The following CTNNA3 variants were observed in gnomAD, a reference collection of about 807,000 sequenced individuals.
CTNNA3 encodes the protein catenin alpha-3.
Under a neutral mutation model 95.7 loss-of-function variants are expected in CTNNA3, and 76 were observed. The ratio of observed to expected loss-of-function variants is 0.79; its 90% CI spans 0.66 to 0.96. The LOEUF (loss-of-function observed/expected upper bound fraction) is 0.96, where lower values mean the gene tolerates loss of function less well. CTNNA3 is among the 40% of genes least tolerant of loss of function. CTNNA3 has a pLI of 0.00. For missense variants in CTNNA3, 1,191 were observed against 1,089.8 expected, an observed-to-expected ratio of 1.09 and a Z score of -1.31; for synonymous variants, 431 against 374.4, an observed-to-expected ratio of 1.15 and a Z score of -1.74.
intron 5 of CTNNA3, among the ~76,000 whole-genome samples, chr10:67,274,075 A>G: frequency 6.6e-6 from 1 of 152,350 alleles, no homozygotes; most frequent in East Asian, 1.9e-4. Context: ...AACATTGGAA[A>G]ATAACTATAA....
intron 4 of CTNNA3, among the ~76,000 whole-genome samples, chr10:67,533,142 G>A (rs1466789472): frequency 2.6e-5 from 4 of 152,126 alleles, no homozygotes; most frequent in Non-Finnish European, 4.4e-5. Flanking sequence ...TAGCCAACAT[G>A]GCAAAACACT....
intron 14 of CTNNA3, among the ~76,000 whole-genome samples, chr10:66,088,363 C>G (rs1205733067): frequency 2.0e-5 from 3 of 151,804 alleles, no homozygotes; most frequent in African/African-American, 7.3e-5. Context: ...AGACCAGTGT[C>G]TGTATAATAT....
chr10:67,362,573 C>T (rs750520941), intron 5 of CTNNA3, among the ~76,000 whole-genome samples: 36 of 151,950 alleles, frequency 2.4e-4, no homozygotes, highest in African/African-American at 8.4e-4. Flanking sequence ...ATCCAAAATC[C>T]CTTCATGTTA....
At chr10:67,694,453 T>G in intron 1 of CTNNA3, among the ~76,000 whole-genome samples, 1 of 152,140 alleles carries the variant, frequency 6.6e-6, no homozygotes, top group Non-Finnish European at 1.5e-5. Flanking sequence ...AAACATAGTG[T>G]TCTCTAATCC....
intron 7 of CTNNA3, chr10:67,054,787 G>GTACCAACTCAGTAA (rs1031668149): frequency 3.3e-5 from 5 of 152,038 alleles, no homozygotes; most frequent in African/African-American, 9.7e-5. Flanking sequence ...TCTCTTAATG[G>GTACCAACTCAGTAA]TACCAACTCA....
chr10:66,048,348 C>G (rs2079873885), intron 15 of CTNNA3, among the ~76,000 whole-genome samples: 1 of 152,118 alleles, frequency 6.6e-6, no homozygotes, highest in Non-Finnish European at 1.5e-5. Flanking sequence ...TGATCTTTGA[C>G]AAAGCTGACA....
chr10:66,858,153 A>C (rs1388984929), intron 7 of CTNNA3, among the ~76,000 whole-genome samples: 1 of 152,036 alleles, frequency 6.6e-6, no homozygotes, highest in Non-Finnish European at 1.5e-5. Flanking sequence ...GCATCTACTG[A>C]GATGATTTTG....
intron 9 of CTNNA3, among the ~76,000 whole-genome samples, chr10:66,726,560 G>A (rs1457350196): frequency 1.3e-5 from 2 of 151,970 alleles, no homozygotes; most frequent in Non-Finnish European, 2.9e-5. Context: ...AAAATAAACT[G>A]GAAAGCATTT....
intron 12 of CTNNA3, among the ~76,000 whole-genome samples, chr10:66,283,409 TG>T (rs1449639603): frequency 5.3e-5 from 8 of 151,894 alleles, no homozygotes; most frequent in Non-Finnish European, 1.0e-4. Flanking sequence ...CTGCTATTAT[TG>T]ATACAGTTCC....
intron 9 of CTNNA3, among the ~76,000 whole-genome samples, chr10:66,704,748 A>G (rs549828451): frequency 1.3e-5 from 2 of 152,250 alleles, no homozygotes; most frequent in South Asian, 4.1e-4. Flanking sequence ...TAGGTGTTCC[A>G]AAAAGCATCT....
chr10:66,936,213 T>A (rs1177149856), intron 7 of CTNNA3, among the ~76,000 whole-genome samples: 2 of 152,152 alleles, frequency 1.3e-5, no homozygotes, highest in Admixed American at 6.6e-5. Flanking sequence ...GAGTCTTTAT[T>A]AGTTTACACT....
chr10:66,562,629 C>T (rs1338955985), intron 10 of CTNNA3, among the ~76,000 whole-genome samples: 2 of 152,000 alleles, frequency 1.3e-5, no homozygotes. Flanking sequence ...GAGCCTTGCC[C>T]AGTGGTCTGA....
intron 13 of CTNNA3, among the ~76,000 whole-genome samples, chr10:66,184,022 A>G (rs2086190121): frequency 6.6e-6 from 1 of 152,150 alleles, no homozygotes; most frequent in Non-Finnish European, 1.5e-5. Context: ...AGGTTTTTAT[A>G]AAAGAAAATT....
intron 9 of CTNNA3, among the ~76,000 whole-genome samples, chr10:66,702,762 T>TAGTAGTAGC (rs1564628687): frequency 6.7e-6 from 1 of 150,128 alleles, no homozygotes; most frequent in African/African-American, 2.4e-5. Flanking sequence ...GTAGTAGTAG[T>TAGTAGTAGC]AGCCATCGTC....
At chr10:66,026,938 G>T (rs1023767194) in intron 15 of CTNNA3, among the ~76,000 whole-genome samples, 1 of 151,668 alleles carries the variant, frequency 6.6e-6, no homozygotes, top group Admixed American at 6.6e-5. Flanking sequence ...CATTTCTAGG[G>T]GTTATTTTTT....
At chr10:66,183,378 A>G (rs1783131859) in intron 13 of CTNNA3, among the ~76,000 whole-genome samples, 1 of 152,196 alleles carries the variant, frequency 6.6e-6, no homozygotes, top group Admixed American at 6.5e-5. Flanking sequence ...ATAAAATCCA[A>G]CCTATCGTGA....
intron 1 of CTNNA3, among the ~76,000 whole-genome samples, chr10:67,741,765 T>A (rs1378984590): frequency 6.6e-6 from 1 of 151,078 alleles, no homozygotes; most frequent in Non-Finnish European, 1.5e-5. Flanking sequence ...GAAACCCATT[T>A]CACGTGCACA....
chr10:66,302,688 G>C (rs999068392), intron 12 of CTNNA3, among the ~76,000 whole-genome samples: 6 of 152,028 alleles, frequency 3.9e-5, no homozygotes, highest in African/African-American at 1.4e-4. Context: ...TGGTAGAAAG[G>C]TATGTGGGCA....
At chr10:66,837,467 C>T (rs1321037440) in intron 7 of CTNNA3, 1 of 152,138 alleles carries the variant, frequency 6.6e-6, no homozygotes, top group Non-Finnish European at 1.5e-5. Flanking sequence ...AAGAGCTTAA[C>T]CTACAGAGAG....
Sources: gnomAD v4.1 joint callset for allele counts (sites outside exome capture counted in the v4.1 genomes callset) on GRCh38, gnomAD v4.1.1 for gene constraint, MANE v1.5 for transcripts, NCBI Gene and HGNC (gene_info 2026-07-23, HGNC 2026-07-21) for gene names.